The following MAST4 variants were observed in gnomAD, a reference collection of about 807,000 sequenced individuals.
MAST4 encodes microtubule-associated serine/threonine-protein kinase 4.
MAST4 carries 89 observed loss-of-function variants against 162.7 expected under a neutral mutation model. The observed-to-expected ratio is 0.55, with a 90% CI of 0.46 to 0.65. MAST4 has a LOEUF of 0.65. MAST4 is among the 30% of genes least tolerant of loss of function. The probability of loss-of-function intolerance (pLI) is 0.00; values close to 1 mark genes in which losing one functional copy is unlikely to be tolerated. For missense variants in MAST4, 3,153 were observed against 3,374.0 expected (o/e 0.93, Z 1.62); for synonymous variants, 1,479 against 1,361.1 (o/e 1.09, Z -1.91).
intron 1 of MAST4, among the ~76,000 whole-genome samples, chr5:66,750,931 GCA>G (rs1305401764): frequency 6.6e-6 from 1 of 152,236 alleles, no homozygotes; most frequent in Non-Finnish European, 1.5e-5. Context: ...GGTTCTCCCA[GCA>G]TGCAGCTGGA....
chr5:67,076,910 A>G (rs772902729), intron 5 of MAST4, among the ~76,000 whole-genome samples: 2 of 152,078 alleles, frequency 1.3e-5, no homozygotes, highest in Non-Finnish European at 2.9e-5. Flanking sequence ...CAGATCTACT[A>G]AGTAAGTAAC....
chr5:66,841,945 A>C (rs1205268921), intron 3 of MAST4, among the ~76,000 whole-genome samples: 1 of 152,166 alleles, frequency 6.6e-6, no homozygotes, highest in East Asian at 1.9e-4. Flanking sequence ...CTTTTGACTT[A>C]ATTCTTGGTT....
intron 3 of MAST4, among the ~76,000 whole-genome samples, chr5:66,825,504 G>A (rs1269971321): frequency 2.0e-5 from 3 of 152,122 alleles, no homozygotes. Flanking sequence ...CCATATCCTT[G>A]TACCAAACAT....
intron 3 of MAST4, among the ~76,000 whole-genome samples, chr5:66,849,880 T>A (rs1406616052): frequency 6.6e-6 from 1 of 152,220 alleles, no homozygotes; most frequent in Non-Finnish European, 1.5e-5. Flanking sequence ...AAATATAATT[T>A]GATAAAAGCT....
intron 5 of MAST4, among the ~76,000 whole-genome samples, chr5:67,065,092 C>T (rs1388523980): frequency 1.3e-5 from 2 of 151,898 alleles, no homozygotes; most frequent in Non-Finnish European, 2.9e-5. Flanking sequence ...TATGCTAAAT[C>T]CCTAAAAGTT....
Position 67,017,864 on chromosome 5 carries a change from A to G in MAST4, c.675-36540A>G, listed in dbSNP as rs117744156. The stretch of plus-strand genomic sequence containing the variant: ...CGGCCACCTCGGCCTCCCAAAGTGC[A>G]GGGATTGCAGGCGTGAACCACCGCA... On this transcript the variant is annotated intron_variant, in intron 4 of 28. Coordinates refer to ENST00000403625, the MANE Select transcript of MAST4 (RefSeq NM_001164664.2). Among the ~76,000 whole-genome samples, 26 of 152,100 alleles carry G rather than the reference A, an allele frequency of 1.7e-4. No individual in the cohort carries two copies. In the East Asian group the frequency reaches 4.5e-3, roughly 26 times the overall value.
chr5:66,825,088 G>A (rs1757176043), intron 3 of MAST4, among the ~76,000 whole-genome samples: 1 of 152,064 alleles, frequency 6.6e-6, no homozygotes, highest in Non-Finnish European at 1.5e-5. Flanking sequence ...TTAGCTTACT[G>A]TAACCTTTTT....
intron 1 of MAST4, among the ~76,000 whole-genome samples, chr5:66,705,428 T>C (rs1157727594): frequency 6.6e-6 from 1 of 151,152 alleles, no homozygotes; most frequent in African/African-American, 2.4e-5. Flanking sequence ...AAACAAAAGA[T>C]ATAAATGATA....
At chr5:66,942,844 G>A (rs181169451) in intron 4 of MAST4, among the ~76,000 whole-genome samples, 174 of 152,102 alleles carry the variant, frequency 1.1e-3, no homozygotes, top group Middle Eastern at 6.8e-3. Flanking sequence ...AAATATATAA[G>A]CTGGGTGGCT....
At chr5:66,614,206 A>G (rs1743489748) in intron 1 of MAST4, among the ~76,000 whole-genome samples, 1 of 152,192 alleles carries the variant, frequency 6.6e-6, no homozygotes, top group African/African-American at 2.4e-5. Flanking sequence ...TCCCTCAGGA[A>G]AAATAACTAT....
rs530123221 is a variant in MAST4 at position 67,010,249 on chromosome 5, A to G, written c.675-44155A>G. 4.5e-4 allele frequency among the ~76,000 whole-genome samples: 68 copies of G among 152,358 alleles called. No individual in the cohort carries two copies. The South Asian group carries it at 0.014, about 31-fold the overall frequency. ...ACTTAGGCCTCACCAATAAACAAGTATCCAACTAAGTCAATTGCCAATGTG... is the reference window on the plus strand; with the variant it reads ...ACTTAGGCCTCACCAATAAACAAGTGTCCAACTAAGTCAATTGCCAATGTG... On this transcript the variant is annotated intron_variant, in intron 4 of 28. Coordinates refer to ENST00000403625, the MANE Select transcript of MAST4 (RefSeq NM_001164664.2).
chr5:66,821,420 G>T (rs950540829), intron 3 of MAST4, among the ~76,000 whole-genome samples: 1 of 152,172 alleles, frequency 6.6e-6, no homozygotes, highest in African/African-American at 2.4e-5. Context: ...ATTTGTTCCT[G>T]AGTGTAATAT....
At chr5:66,955,067 A>G (rs1745144033) in intron 4 of MAST4, among the ~76,000 whole-genome samples, 3 of 151,796 alleles carry the variant, frequency 2.0e-5, no homozygotes, top group Admixed American at 6.6e-5. Context: ...TTAGCTGGGC[A>G]TGGTGGAATG....
In MAST4 at chr5:66,718,351, G is replaced by A. The variant is rs145847304; in HGVS notation, c.364-41358G>A. On this transcript the variant is annotated intron_variant, in intron 1 of 28. Coordinates refer to ENST00000403625, the MANE Select transcript of MAST4 (RefSeq NM_001164664.2). ...ATGTCATCTTGCTCCTTAGACACAC[G>A]GCTTCTTCTACATGCTGGCATTTTT... 2.2e-3 allele frequency among the ~76,000 whole-genome samples: 330 copies of A among 151,754 alleles called. 3 individuals are homozygous for A. The highest frequency in any genetic ancestry group is 6.0e-3 in the East Asian group (31 of 5,158).
At chr5:67,129,071 T>C (rs1366440543) in intron 14 of MAST4, among the ~76,000 whole-genome samples, 1 of 152,202 alleles carries the variant, frequency 6.6e-6, no homozygotes, top group Non-Finnish European at 1.5e-5. Flanking sequence ...ATTGGCTCTA[T>C]AAAGTATTTG....
chr5:66,602,769 G>A (rs547309208), intron 1 of MAST4, among the ~76,000 whole-genome samples: 1 of 152,270 alleles, frequency 6.6e-6, no homozygotes, highest in African/African-American at 2.4e-5. Context: ...GAAAGGGCTT[G>A]CATTCTTCTC....
At chr5:67,020,087 G>A (rs1454265624) in intron 4 of MAST4, among the ~76,000 whole-genome samples, 1 of 152,146 alleles carries the variant, frequency 6.6e-6, no homozygotes, top group Non-Finnish European at 1.5e-5. Context: ...TCTCCCTTGA[G>A]TTTCAGGCAC....
chr5:66,670,003 A>G (rs986562331), intron 1 of MAST4, among the ~76,000 whole-genome samples: 2 of 152,206 alleles, frequency 1.3e-5, no homozygotes, highest in Non-Finnish European at 2.9e-5. Context: ...GAGCCTGGGA[A>G]GCCAGGTGAC....
intron 4 of MAST4, among the ~76,000 whole-genome samples, chr5:66,908,720 T>C (rs1763546137): frequency 6.6e-6 from 1 of 152,210 alleles, no homozygotes. Context: ...CAGATGTCTG[T>C]GCTGTCTCAC....
Sources: gnomAD v4.1 joint callset for allele counts (sites outside exome capture counted in the v4.1 genomes callset) on GRCh38, gnomAD v4.1.1 for gene constraint, MANE v1.5 for transcripts, NCBI Gene and HGNC (gene_info 2026-07-23, HGNC 2026-07-21) for gene names.